Variants in PLEK observed in about 807,000 individuals in gnomAD.
PLEK encodes platelet 47 kDa protein.
A neutral mutation model predicts 43.9 loss-of-function variants in PLEK; 25 were observed. The ratio of observed to expected loss-of-function variants is 0.57; its 90% CI spans 0.41 to 0.79. PLEK has a LOEUF of 0.79. Among genes scored for constraint, PLEK ranks in the 30% least tolerant of loss-of-function variants. The pLI, the probability that PLEK is intolerant of heterozygous loss-of-function variation, is 0.00. For missense variants in PLEK, 396 were observed against 413.3 expected (o/e 0.96, Z 0.36); for synonymous variants, 152 against 144.4 (o/e 1.05, Z -0.38).
rs535247821 is a variant in PLEK at position 68,376,522 on chromosome 2, C to T, written c.43-3806C>T. Among the ~76,000 whole-genome samples the T allele has an allele frequency of 6.6e-5, 10 of 152,256 alleles. No individual in the cohort carries two copies. The East Asian group carries it at 1.5e-3, about 23-fold the overall frequency. ...ATAGGATCATTTTAGGAAATATTGT[C>T]ACACTTATTGTGTCTATTCTTATGT... On this transcript the variant is annotated intron_variant, in intron 1 of 8. Transcript: ENST00000234313.
intron 4 of PLEK, among the ~76,000 whole-genome samples, chr2:68,384,325 C>T (rs1396202432): frequency 2.6e-5 from 4 of 152,008 alleles, no homozygotes; most frequent in South Asian, 2.1e-4. Flanking sequence ...CGGGTTCAAG[C>T]GTGATTCTCG....
chr2:68,385,302 C>G (rs1673715259), intron 4 of PLEK, among the ~76,000 whole-genome samples: 1 of 152,242 alleles, frequency 6.6e-6, no homozygotes, highest in South Asian at 2.1e-4. Context: ...TCATTGTAAC[C>G]TGCTAATAAT....
At chr2:68,381,076 G>C (rs757258715) in intron 3 of PLEK, among the ~76,000 whole-genome samples, 172 bp downstream of exon 3, 3 of 152,026 alleles carry the variant, frequency 2.0e-5, no homozygotes, top group Admixed American at 1.3e-4. Context: ...AGTGATCCAA[G>C]GCCTACTAGC....
At position 68,396,543 on chromosome 2, in the gene PLEK, G is replaced by C. The variant is rs1174579037; in HGVS notation, c.*727G>C. On this transcript the variant is annotated 3_prime_UTR_variant, in exon 9 of 9. Coordinates refer to ENST00000234313, the MANE Select transcript of PLEK (RefSeq NM_002664.3). Reference sequence around the variant, plus strand: ...CCTGGGGAGGCCAGGAGTAGCTGAGGGTCCTTTCTGTGCCCTTAAACCGCC... The same window carrying C: ...CCTGGGGAGGCCAGGAGTAGCTGAGCGTCCTTTCTGTGCCCTTAAACCGCC... 2 of 152,074 alleles carry C rather than the reference G, an allele frequency of 1.3e-5. No individual in the cohort carries two copies. The highest frequency in any genetic ancestry group is 4.8e-5 in the African/African-American group (2 of 41,374). The allele number at this position is 152,074 out of a possible 1,614,324, so 9.4% of individuals were successfully genotyped here. A position where few individuals can be genotyped will look rare whatever the true frequency, so the allele number is the denominator to read the frequency against.
At chr2:68,385,550 AC>A (rs1430201272) in intron 4 of PLEK, among the ~76,000 whole-genome samples, 1 of 138,486 alleles carries the variant, frequency 7.2e-6, no homozygotes, top group African/African-American at 2.7e-5. Flanking sequence ...CTCCCCACCC[AC>A]CCTTCACCTC....
intron 5 of PLEK, 87 bp from the exon 6 acceptor site, chr2:68,388,300 G>A (rs1673787737): frequency 1.3e-6 from 1 of 763,318 alleles, no homozygotes; most frequent in Non-Finnish European, 2.3e-6. Context: ...CTGCCCTCAT[G>A]GCTGGAGGGG....
At position 68,380,487 on chromosome 2, in the gene PLEK, AG is replaced by A. The variant is rs1673591208; in HGVS notation, c.198+5del. On this transcript the variant is annotated splice_donor_5th_base_variant and intron_variant, in intron 2 of 8. Coordinates refer to ENST00000234313, the MANE Select transcript of PLEK (RefSeq NM_002664.3). Reference sequence around the variant, plus strand: ...TCAAGACTTTGGCAAAAGGATGGTAAGTTGACATCATGAGCTGCCGTGAACC... The same window carrying A: ...TCAAGACTTTGGCAAAAGGATGGTAATTGACATCATGAGCTGCCGTGAACC... 6.2e-7 allele frequency: 1 copy of A among 1,612,862 alleles called. No individual in the cohort carries two copies. Among genetic ancestry groups the A allele is most frequent in the African/African-American group, 1.3e-5 (1 of 74,874 alleles).
chr2:68,365,730 A>C (rs7588256), intron 1 of PLEK: 7,996 of 208,714 alleles, frequency 0.038, 219 homozygotes, highest in African/African-American at 0.066. Context: ...CTCCTCTTCT[A>C]TGGAGGTTTC....
At chr2:68,381,315 C>T (rs1381384369) in intron 3 of PLEK, among the ~76,000 whole-genome samples, 1 of 152,178 alleles carries the variant, frequency 6.6e-6, no homozygotes, top group Non-Finnish European at 1.5e-5. Context: ...TCAGGAAGGG[C>T]CAGCCAGGGT....
At chr2:68,370,974 G>A (rs1473642111) in intron 1 of PLEK, among the ~76,000 whole-genome samples, 1 of 152,166 alleles carries the variant, frequency 6.6e-6, no homozygotes, top group Non-Finnish European at 1.5e-5. Context: ...AGATGATCAT[G>A]TAGAATATAT....
chr2:68,369,968 A>G (rs1195588319), intron 1 of PLEK, among the ~76,000 whole-genome samples: 5 of 137,478 alleles, frequency 3.6e-5, no homozygotes. Flanking sequence ...GTGAGTTTGT[A>G]TAGGCACAAC....
intron 6 of PLEK, among the ~76,000 whole-genome samples, chr2:68,391,987 C>A (rs1673868138): frequency 6.6e-6 from 1 of 152,128 alleles, no homozygotes; most frequent in Non-Finnish European, 1.5e-5. Flanking sequence ...TGCTATATGC[C>A]AGGCACTGTG....
At chr2:68,377,528 T>C (rs961312316) in intron 1 of PLEK, among the ~76,000 whole-genome samples, 12 of 152,222 alleles carry the variant, frequency 7.9e-5, no homozygotes, top group African/African-American at 2.9e-4. Context: ...TCAGTGATGT[T>C]GAGCACCTTT....
rs543252466 is a variant in PLEK at position 68,397,442 on chromosome 2, C to T, written c.*1626C>T. 1 of 152,140 alleles carries T rather than the reference C, an allele frequency of 6.6e-6. No individual in the cohort carries two copies. The highest frequency in any genetic ancestry group is 1.5e-5 in the Non-Finnish European group (1 of 68,026). The allele number at this position is 152,140 out of a possible 1,614,324, so 9.4% of individuals were successfully genotyped here. A position where few individuals can be genotyped will look rare whatever the true frequency, so the allele number is the denominator to read the frequency against. On this transcript the variant is annotated 3_prime_UTR_variant, in exon 9 of 9. Coordinates refer to ENST00000234313, the MANE Select transcript of PLEK (RefSeq NM_002664.3). ...AATGTTTTGAAATAAATATATGACT[C>T]TGTTTAATGCATTTTTGGTGTGATG...
At chr2:68,387,990 T>G (rs1679144127) in intron 5 of PLEK, 1 of 164,868 alleles carries the variant, frequency 6.1e-6, no homozygotes, top group Admixed American at 6.3e-5. Flanking sequence ...AATGTTGAGC[T>G]GGTGATAGTA....
rs1406160605 is a variant in PLEK at position 68,380,354 on chromosome 2, C to T, written c.69C>T (p.Pro23=). 4 of 1,613,622 alleles carry T rather than the reference C, an allele frequency of 2.5e-6. No homozygotes were observed. The highest frequency in any genetic ancestry group is 2.2e-5 in the East Asian group (1 of 44,862). The stretch of plus-strand genomic sequence containing the variant: ...GGAGCGTGTTCAATACGTGGAAACC[C>T]ATGTGGGTTGTATTGTTAGAAGATG... ...KKGSVFNTWK[P]MWVVLLEDGI... The change falls in exon 2 of 9, where the codon CCC becomes CCT. Residue 23 remains proline (P), a synonymous_variant. Transcript: ENST00000234313.
At position 68,383,618 on chromosome 2, in the gene PLEK, TG is replaced by T. The variant is rs568805030; in HGVS notation, c.472+986del. 2.0e-4 allele frequency among the ~76,000 whole-genome samples: 31 copies of T among 152,242 alleles called. No homozygotes were observed. In the East Asian group the frequency reaches 5.0e-3, roughly 25 times the overall value. ...AGAATATGCATCTAGAAAAAGAAAC[TG>T]ACCAGCCTAGTAGGGCTGACGGTTC... On this transcript the variant is annotated intron_variant, in intron 4 of 8. Transcript: ENST00000234313.
chr2:68,395,264 AAGAC>A (rs1163630749), intron 8 of PLEK, among the ~76,000 whole-genome samples: 2 of 150,948 alleles, frequency 1.3e-5, no homozygotes, highest in African/African-American at 4.9e-5. Context: ...TATTAACAGA[AAGAC>A]AGATAGATAG....
At chr2:68,366,334 G>T (rs927134004) in intron 1 of PLEK, among the ~76,000 whole-genome samples, 1 of 152,208 alleles carries the variant, frequency 6.6e-6, no homozygotes, top group African/African-American at 2.4e-5. Flanking sequence ...CTACCTGTAA[G>T]GGGGGTTAAA....
Sources: gnomAD v4.1 joint callset for allele counts (sites outside exome capture counted in the v4.1 genomes callset) on GRCh38, gnomAD v4.1.1 for gene constraint, MANE v1.5 for transcripts, NCBI Gene and HGNC (gene_info 2026-07-23, HGNC 2026-07-21) for gene names.